NDUFA5: variants seen among roughly 807,000 people sequenced by gnomAD.
NDUFA5 encodes the protein NADH:ubiquinone oxidoreductase subunit A5, also known as NADH dehydrogenase [ubiquinone] 1 alpha subcomplex subunit 5.
A neutral mutation model predicts 19.8 loss-of-function variants in NDUFA5; 11 were observed. The ratio of observed to expected loss-of-function variants is 0.56; its 90% CI spans 0.35 to 0.92. NDUFA5 has a LOEUF of 0.92. Ranked by LOEUF, NDUFA5 falls within the 40% of genes least tolerant of loss-of-function variation. The pLI is 0.01. For synonymous variants in NDUFA5, 47 were observed against 46.8 expected, an observed-to-expected ratio of 1.00 and a Z score of -0.01; for missense variants, 109 against 134.2, an observed-to-expected ratio of 0.81 and a Z score of 0.93.
the NDUFA5 span, among the ~76,000 whole-genome samples, chr7:123,568,955 A>C: frequency 1.3e-5 from 2 of 152,242 alleles, no homozygotes; most frequent in African/African-American, 4.8e-5. Context: ...AAACATGATA[A>C]AATGGGGGAC....
chr7:123,597,648 A>G, the NDUFA5 span, among the ~76,000 whole-genome samples: 3,869 of 152,176 alleles, frequency 0.025, 155 homozygotes, highest in African/African-American at 0.088. Flanking sequence ...CTTGGCCAAC[A>G]TGGTGAAACC....
rs962557520 is a variant in NDUFA5 at position 123,541,497 on chromosome 7, C to G, written c.*622G>C. 5 of 152,052 alleles carry G rather than the reference C, an allele frequency of 3.3e-5. No homozygotes were observed. The highest frequency in any genetic ancestry group is 1.2e-4 in the African/African-American group (5 of 41,416). The allele number at this position is 152,052 out of a possible 1,614,324, so 9.4% of individuals were successfully genotyped here. ...ACAACAAAATATAATAAAATTAAGA[C>G]TATAAGAAAACAGAGTAAATGGTAT... is the stretch of plus-strand genomic sequence containing the variant. On this transcript the variant is annotated 3_prime_UTR_variant, in exon 5 of 5. Transcript: ENST00000355749.
the NDUFA5 span, among the ~76,000 whole-genome samples, chr7:123,596,201 G>A: frequency 1.5e-4 from 23 of 152,138 alleles, no homozygotes; most frequent in African/African-American, 5.5e-4. Context: ...CAAATCATGA[G>A]ACCATTAAAA....
chr7:123,579,896 G>T, the NDUFA5 span, among the ~76,000 whole-genome samples: 1 of 151,998 alleles, frequency 6.6e-6, no homozygotes, highest in East Asian at 1.9e-4. Context: ...TAGGTCTCTA[G>T]GTTTTCAATT....
At chr7:123,557,691 G>C (rs573568001) in intron 1 of NDUFA5, 84 bp downstream of exon 1, 2 of 1,614,008 alleles carry the variant, frequency 1.2e-6, no homozygotes, top group South Asian at 2.2e-5. Context: ...CGACAGTAGG[G>C]GTCAACACCC....
chr7:123,578,181 G>A, the NDUFA5 span, among the ~76,000 whole-genome samples: 45 of 148,646 alleles, frequency 3.0e-4, no homozygotes, highest in Admixed American at 1.4e-3. Context: ...AAAGTTATTC[G>A]TAACCCATAC....
intron 3 of NDUFA5, among the ~76,000 whole-genome samples, chr7:123,547,517 A>G (rs1213815210): frequency 6.6e-6 from 1 of 152,190 alleles, no homozygotes; most frequent in East Asian, 1.9e-4. Context: ...ATGGCATTCA[A>G]TAAATGTTTC....
chr7:123,598,094 GC>G, the NDUFA5 span, among the ~76,000 whole-genome samples: 2 of 151,888 alleles, frequency 1.3e-5, no homozygotes, highest in African/African-American at 4.8e-5. Flanking sequence ...GAAGTGCCTA[GC>G]CTCACATTAT....
the NDUFA5 span, among the ~76,000 whole-genome samples, chr7:123,585,311 A>T: frequency 6.6e-6 from 1 of 151,720 alleles, no homozygotes; most frequent in African/African-American, 2.4e-5. Flanking sequence ...AGAAACAAGC[A>T]AATTTATCCA....
At chr7:123,573,692 C>T in the NDUFA5 span, among the ~76,000 whole-genome samples, 3 of 152,070 alleles carry the variant, frequency 2.0e-5, no homozygotes, top group African/African-American at 4.8e-5. Context: ...GTAGGCCTGG[C>T]TTCTGTATCC....
the NDUFA5 span, among the ~76,000 whole-genome samples, chr7:123,593,978 C>A: frequency 6.6e-6 from 1 of 152,096 alleles, no homozygotes; most frequent in Non-Finnish European, 1.5e-5. Context: ...TTGTTCATTT[C>A]TTTTCACTCT....
the NDUFA5 span, among the ~76,000 whole-genome samples, chr7:123,575,352 T>C: frequency 6.6e-6 from 1 of 152,084 alleles, no homozygotes; most frequent in African/African-American, 2.4e-5. Flanking sequence ...TGCTTTCATA[T>C]GTTAAATATG....
the NDUFA5 span, among the ~76,000 whole-genome samples, chr7:123,575,949 A>G: frequency 6.7e-6 from 1 of 149,956 alleles, no homozygotes; most frequent in African/African-American, 2.4e-5. Context: ...TTTCAGGAAA[A>G]TTTTCTTGAT....
the NDUFA5 span, among the ~76,000 whole-genome samples, chr7:123,586,650 T>C: frequency 2.0e-5 from 3 of 151,706 alleles, no homozygotes; most frequent in Admixed American, 6.6e-5. Flanking sequence ...CAAGTACACC[T>C]CCCCCAGCCA....
At chr7:123,597,589 T>C in the NDUFA5 span, among the ~76,000 whole-genome samples, 2 of 152,070 alleles carry the variant, frequency 1.3e-5, no homozygotes, top group African/African-American at 4.8e-5. Flanking sequence ...CCCAGCACTT[T>C]GGGAGGCCAA....
the NDUFA5 span, among the ~76,000 whole-genome samples, chr7:123,597,065 A>T: frequency 6.6e-6 from 1 of 152,254 alleles, no homozygotes; most frequent in Non-Finnish European, 1.5e-5. Context: ...TCCCTCTTAC[A>T]CACGGTTTTG....
upstream of NDUFA5, among the ~76,000 whole-genome samples, chr7:123,558,838 A>AG (rs1798646634): frequency 6.6e-6 from 1 of 152,156 alleles, no homozygotes; most frequent in East Asian, 1.9e-4. Context: ...GACACCATCA[A>AG]ATTTATGTTT....
At position 123,544,869 on chromosome 7, in the gene NDUFA5, C is replaced by T. The variant is rs1339081409; in HGVS notation, c.249+742G>A. On this transcript the variant is annotated intron_variant, in intron 4 of 4. Transcript: ENST00000355749. Reference sequence around the variant, plus strand: ...AAATAGTATATTTCCAGCCTATTTACATCAGTAACCTATCTATTTCTATAA... The same window carrying T: ...AAATAGTATATTTCCAGCCTATTTATATCAGTAACCTATCTATTTCTATAA... Among the ~76,000 whole-genome samples the T allele has an allele frequency of 2.0e-5, 3 of 147,604 alleles. No homozygotes were observed. The East Asian group carries it at 6.2e-4, about 30-fold the overall frequency.
upstream of NDUFA5, chr7:123,557,972 T>C (rs1798628476): frequency 1.1e-5 from 11 of 1,009,532 alleles, no homozygotes; most frequent in Non-Finnish European, 1.6e-5. Context: ...AATTGACGCA[T>C]GCGCGATGGG....
Sources: allele counts gnomAD v4.1 joint callset (sites outside exome capture counted in the v4.1 genomes callset), GRCh38; gene constraint gnomAD v4.1.1; transcripts MANE v1.5; gene names NCBI Gene and HGNC (gene_info 2026-07-23, HGNC 2026-07-21).